The following SYN3 variants were observed in gnomAD, a reference collection of about 807,000 sequenced individuals.
The protein encoded by SYN3 is synapsin-3.
A neutral mutation model predicts 65.8 loss-of-function variants in SYN3; 35 were observed. The ratio of observed to expected loss-of-function variants is 0.53; its 90% CI spans 0.41 to 0.70. SYN3 has a LOEUF of 0.70. SYN3 is among the 30% of genes least tolerant of loss of function. The pLI is 0.00. For synonymous variants in SYN3, 270 were observed against 292.9 expected (o/e 0.92, Z 0.80); for missense variants, 680 against 749.0 (o/e 0.91, Z 1.08).
rs977987275 is a variant in SYN3, at chr22:32,507,972, G to T, written c.*5720C>A. On this transcript the variant is annotated 3_prime_UTR_variant, in exon 14 of 14. Transcript: ENST00000358763. The stretch of plus-strand genomic sequence containing the variant: ...ACTCGAAGCAGCCCTGAGAAACATC[G>T]CCCATTCTCTCTCCATACCACCCCC... Among the ~76,000 whole-genome samples, 13 of 151,604 alleles carry T rather than the reference G, an allele frequency of 8.6e-5. No individual in the cohort carries two copies. The highest frequency in any genetic ancestry group is 3.2e-3 in the Middle Eastern group (1 of 316).
chr22:32,678,124 C>A (rs1035648623), intron 6 of SYN3, among the ~76,000 whole-genome samples: 38 of 152,274 alleles, frequency 2.5e-4, no homozygotes, highest in East Asian at 7.7e-4. Flanking sequence ...TCTTTAGGAA[C>A]TGGCCCAATC....
intron 6 of SYN3, among the ~76,000 whole-genome samples, chr22:32,704,555 C>A (rs960978142): frequency 6.6e-5 from 10 of 152,210 alleles, no homozygotes; most frequent in Non-Finnish European, 1.0e-4. Flanking sequence ...TATGGTAGAA[C>A]AATTTATATT....
At chr22:32,864,100 G>A (rs1270408689) in intron 6 of SYN3, among the ~76,000 whole-genome samples, 1 of 152,178 alleles carries the variant, frequency 6.6e-6, no homozygotes, top group Non-Finnish European at 1.5e-5. Context: ...CCAGAAGCCT[G>A]AGCTTGGACT....
chr22:33,029,617 C>T (rs535453155), intron 1 of SYN3, among the ~76,000 whole-genome samples: 3 of 152,302 alleles, frequency 2.0e-5, no homozygotes, highest in East Asian at 3.9e-4. Flanking sequence ...TGGTATTACT[C>T]TCCCTTACAG....
At chr22:32,888,715 C>T (rs1183813288) in intron 4 of SYN3, among the ~76,000 whole-genome samples, 1 of 152,150 alleles carries the variant, frequency 6.6e-6, no homozygotes, top group African/African-American at 2.4e-5. Flanking sequence ...ATCTGAAAAC[C>T]TGAAATCTGA....
chr22:32,584,000 G>A (rs899054335), intron 7 of SYN3: 11 of 152,320 alleles, frequency 7.2e-5, no homozygotes, highest in East Asian at 3.9e-4. Flanking sequence ...CAGAGGAATC[G>A]AATCAGCACG....
chr22:32,693,025 A>G (rs550315837), intron 6 of SYN3, among the ~76,000 whole-genome samples: 1 of 152,314 alleles, frequency 6.6e-6, no homozygotes, highest in African/African-American at 2.4e-5. Flanking sequence ...TGAGGGGGAT[A>G]CATTTCAAGA....
rs1044546156 is a variant in SYN3, at chr22:32,509,221, C to T, written c.*4471G>A. ...CTGGTAGAGCTGTCCGCTAAGGCTG[C>T]GTTTTTAAATCCCTGTTCATTGTGA... On this transcript the variant is annotated 3_prime_UTR_variant, in exon 14 of 14. Transcript: ENST00000358763. Among the ~76,000 whole-genome samples, 6 of 152,128 alleles carry T rather than the reference C, an allele frequency of 3.9e-5. No individual in the cohort carries two copies. The highest frequency in any genetic ancestry group is 9.7e-5 in the African/African-American group (4 of 41,424).
At chr22:32,865,821 C>T (rs1427383) in intron 5 of SYN3, among the ~76,000 whole-genome samples, 52,369 of 151,946 alleles carry the variant, frequency 0.34, 10,269 homozygotes, top group African/African-American at 0.54. Flanking sequence ...ATGGCTGTGA[C>T]ACTAATATCT....
chr22:32,569,551 C>CTG (rs2058726500), intron 7 of SYN3, among the ~76,000 whole-genome samples: 1 of 68,520 alleles, frequency 1.5e-5, no homozygotes, highest in African/African-American at 6.7e-5. Context: ...CTCTCTCTCT[C>CTG]TCTCTCTCTC....
At chr22:32,535,967 C>T (rs1040488034) in intron 9 of SYN3, among the ~76,000 whole-genome samples, 2 of 152,216 alleles carry the variant, frequency 1.3e-5, no homozygotes, top group Admixed American at 6.5e-5. Flanking sequence ...ATCTCTCCAG[C>T]CCAGACCCTG....
chr22:32,888,171 G>A (rs1401272150), intron 4 of SYN3, among the ~76,000 whole-genome samples: 1 of 152,012 alleles, frequency 6.6e-6, no homozygotes, highest in African/African-American at 2.4e-5. Context: ...CCATCCCTAG[G>A]GATGTTTTAG....
At chr22:32,529,154 G>T (rs890090392) in intron 10 of SYN3, 146 bp from the exon 11 acceptor site, 1 of 974,826 alleles carries the variant, frequency 1.0e-6, no homozygotes, top group Non-Finnish European at 1.5e-6. Flanking sequence ...CTCCAGCTGG[G>T]ACTGGCCGGC....
intron 1 of SYN3, among the ~76,000 whole-genome samples, chr22:33,046,841 TAAAAAAAAAAAA>T (rs71187229): frequency 3.2e-5 from 3 of 92,766 alleles, no homozygotes; most frequent in Admixed American, 2.7e-4. Flanking sequence ...AGTCTCTGTT[TAAAAAAAAAAAA>T]AAAAAAAAAA....
chr22:32,633,791 T>C (rs1249512478), intron 6 of SYN3, among the ~76,000 whole-genome samples: 1 of 151,848 alleles, frequency 6.6e-6, no homozygotes, highest in African/African-American at 2.4e-5. Flanking sequence ...ATCTCATTTT[T>C]TTTTTCTTTT....
At chr22:32,689,221 T>C (rs1178472905) in intron 6 of SYN3, among the ~76,000 whole-genome samples, 1 of 152,210 alleles carries the variant, frequency 6.6e-6, no homozygotes, top group African/African-American at 2.4e-5. Flanking sequence ...TACAGCAGTC[T>C]ATGCCCTCGC....
In SYN3 at chr22:32,511,420, C is replaced by T. The variant is rs1179049148; in HGVS notation, c.*2272G>A. On this transcript the variant is annotated 3_prime_UTR_variant, in exon 14 of 14. Coordinates refer to ENST00000358763, the MANE Select transcript of SYN3 (RefSeq NM_003490.4). ...GCTTCATGTGTCTGACTGCCCACTG[C>T]ATCATCTCAGCTGCCTCTGGATAGG... Among the ~76,000 whole-genome samples, 2 of 152,248 alleles carry T rather than the reference C, an allele frequency of 1.3e-5. No individual in the cohort carries two copies. The highest frequency in any genetic ancestry group is 2.4e-5 in the African/African-American group (1 of 41,466).
At chr22:32,700,450 A>G (rs1173133650) in intron 6 of SYN3, among the ~76,000 whole-genome samples, 1 of 152,178 alleles carries the variant, frequency 6.6e-6, no homozygotes, top group African/African-American at 2.4e-5. Context: ...CTAACATGCT[A>G]ATTTGAAAAG....
In SYN3 at chr22:32,576,307, A is replaced by G. The variant is rs979603754; in HGVS notation, c.774+20367T>C. Among the ~76,000 whole-genome samples the G allele has an allele frequency of 9.2e-5, 14 of 152,162 alleles. 1 individual carries two copies. Among genetic ancestry groups the G allele is most frequent in the Admixed American group, 9.2e-4 (14 of 15,260 alleles). ...GCTCTGTGCCGAGTATCCCGTGCACACCATAATGGATGTAATTCACCATTC... is the reference window on the plus strand; with the variant it reads ...GCTCTGTGCCGAGTATCCCGTGCACGCCATAATGGATGTAATTCACCATTC... On this transcript the variant is annotated intron_variant, in intron 7 of 13. Coordinates refer to ENST00000358763, the MANE Select transcript of SYN3 (RefSeq NM_003490.4).
Sources: gnomAD v4.1 joint callset for allele counts (sites outside exome capture counted in the v4.1 genomes callset) on GRCh38, gnomAD v4.1.1 for gene constraint, MANE v1.5 for transcripts, NCBI Gene and HGNC (gene_info 2026-07-23, HGNC 2026-07-21) for gene names.